NRXN1: variants seen among roughly 807,000 people sequenced by gnomAD.
NRXN1 encodes the protein neurexin-1.
Under a neutral mutation model 150.9 loss-of-function variants are expected in NRXN1, and 39 were observed. That is an observed-to-expected ratio of 0.26 (90% CI 0.20 to 0.34). The LOEUF (loss-of-function observed/expected upper bound fraction) is 0.34. Among genes scored for constraint, NRXN1 ranks in the 10% least tolerant of loss-of-function variants. The pLI is 1.00. For synonymous variants in NRXN1, 924 were observed against 757.0 expected, an observed-to-expected ratio of 1.22 and a Z score of -3.62; for missense variants, 1,815 against 1,949.9, an observed-to-expected ratio of 0.93 and a Z score of 1.30.
chr2:50,089,466 T>C (rs78114392), intron 19 of NRXN1, among the ~76,000 whole-genome samples: 3,269 of 152,290 alleles, frequency 0.021, 117 homozygotes, highest in African/African-American at 0.075. Flanking sequence ...TGTTATTTTA[T>C]TAAGGTTTTA....
At chr2:50,122,209 C>T (rs1164721290) in intron 18 of NRXN1, among the ~76,000 whole-genome samples, 1 of 152,218 alleles carries the variant, frequency 6.6e-6, no homozygotes, top group African/African-American at 2.4e-5. Flanking sequence ...TCTTTCTTCA[C>T]TTATCTGAAT....
At chr2:50,481,490 G>A (rs931212189) in intron 15 of NRXN1, among the ~76,000 whole-genome samples, 29 of 152,086 alleles carry the variant, frequency 1.9e-4, no homozygotes, top group Admixed American at 5.2e-4. Context: ...TTATCAAAAT[G>A]TTTTTTACCA....
At chr2:50,357,851 T>A (rs1267397591) in intron 17 of NRXN1, among the ~76,000 whole-genome samples, 2 of 151,956 alleles carry the variant, frequency 1.3e-5, no homozygotes, top group Non-Finnish European at 2.9e-5. Flanking sequence ...AGAAGGCAGG[T>A]GATTTCTGCA....
chr2:50,029,009 A>C (rs1443480461), intron 21 of NRXN1, among the ~76,000 whole-genome samples: 1 of 152,192 alleles, frequency 6.6e-6, no homozygotes, highest in Non-Finnish European at 1.5e-5. Flanking sequence ...TGTTTTCCCC[A>C]AATTCATATG....
At chr2:50,750,115 C>T (rs754223411) in intron 5 of NRXN1, among the ~76,000 whole-genome samples, 15 of 152,018 alleles carry the variant, frequency 9.9e-5, no homozygotes, top group African/African-American at 1.9e-4. Flanking sequence ...TTCTATTCTA[C>T]GAGCTTTCAG....
At chr2:50,624,073 T>C (rs945557692) in intron 5 of NRXN1, among the ~76,000 whole-genome samples, 13 of 152,126 alleles carry the variant, frequency 8.5e-5, no homozygotes, top group East Asian at 1.9e-4. Context: ...CTGAGAATGA[T>C]GGTTTCCAGC....
At chr2:50,845,057 T>C (rs1047347918) in intron 5 of NRXN1, among the ~76,000 whole-genome samples, 4 of 151,670 alleles carry the variant, frequency 2.6e-5, no homozygotes, top group African/African-American at 4.8e-5. Flanking sequence ...GGCTCCCCCA[T>C]ATTGCCCAGG....
At chr2:50,868,920 A>G (rs962066900) in intron 5 of NRXN1, among the ~76,000 whole-genome samples, 1 of 151,902 alleles carries the variant, frequency 6.6e-6, no homozygotes, top group Non-Finnish European at 1.5e-5. Context: ...AAAGCTTATC[A>G]TCTTGAAAAA....
intron 5 of NRXN1, among the ~76,000 whole-genome samples, chr2:50,764,492 C>T (rs1296642172): frequency 2.0e-5 from 3 of 151,984 alleles, no homozygotes; most frequent in African/African-American, 7.2e-5. Flanking sequence ...ATATTGAATA[C>T]TTAATATGTA....
intron 17 of NRXN1, among the ~76,000 whole-genome samples, chr2:50,249,927 C>T (rs986356312): frequency 2.0e-5 from 3 of 152,192 alleles, no homozygotes; most frequent in South Asian, 2.1e-4. Context: ...CGTGAGCCAC[C>T]GTGCCTGGCC....
intron 8 of NRXN1, among the ~76,000 whole-genome samples, chr2:50,562,693 CCTT>C (rs1183418733): frequency 6.6e-6 from 1 of 151,942 alleles, no homozygotes; most frequent in African/African-American, 2.4e-5. Flanking sequence ...ATTTTTTTGT[CCTT>C]CTTTTTCTTA....
chr2:50,095,505 A>G (rs1254764921), intron 18 of NRXN1, among the ~76,000 whole-genome samples: 1 of 152,174 alleles, frequency 6.6e-6, no homozygotes, highest in Non-Finnish European at 1.5e-5. Context: ...ATAAGAGCCT[A>G]TTTTCATCAG....
At chr2:50,069,669 C>T (rs1387846383) in intron 19 of NRXN1, among the ~76,000 whole-genome samples, 5 of 151,898 alleles carry the variant, frequency 3.3e-5, no homozygotes, top group Admixed American at 2.6e-4. Flanking sequence ...TTTTCTGAAA[C>T]GTTTCATGTT....
In NRXN1 at chr2:50,389,536, C is replaced by T. The variant is rs557809904; in HGVS notation, c.3364+75906G>A. Among the ~76,000 whole-genome samples, 209 of 151,954 alleles carry T rather than the reference C, an allele frequency of 1.4e-3. 1 individual carries two copies. The highest frequency in any genetic ancestry group is 3.4e-3 in the Middle Eastern group (1 of 292). On this transcript the variant is annotated intron_variant, in intron 17 of 22. Coordinates refer to ENST00000401669, the MANE Select transcript of NRXN1 (RefSeq NM_001330078.2). Reference sequence around the variant, plus strand: ...GACCCAAATGTATGAAATTCTAATACTGATTCTTTGTCTTTTCTCTCTTCT... The same window carrying T: ...GACCCAAATGTATGAAATTCTAATATTGATTCTTTGTCTTTTCTCTCTTCT...
chr2:50,641,183 T>G (rs1266692177), intron 5 of NRXN1, among the ~76,000 whole-genome samples: 1 of 152,172 alleles, frequency 6.6e-6, no homozygotes, highest in Non-Finnish European at 1.5e-5. Flanking sequence ...AATAAACATT[T>G]GGCTCAAGGT....
intron 5 of NRXN1, among the ~76,000 whole-genome samples, chr2:50,729,378 G>A (rs1036789242): frequency 1.3e-5 from 2 of 152,154 alleles, no homozygotes; most frequent in Admixed American, 6.5e-5. Context: ...TCATTTTGCA[G>A]ATGCAAAGTT....
chr2:50,913,738 G>A (rs1388836808), intron 5 of NRXN1, among the ~76,000 whole-genome samples: 2 of 151,718 alleles, frequency 1.3e-5, no homozygotes, highest in African/African-American at 2.4e-5. Flanking sequence ...TCATGGGGTC[G>A]TAGGTACATG....
At chr2:50,552,042 C>T (rs1381243263) in intron 9 of NRXN1, among the ~76,000 whole-genome samples, 1 of 152,120 alleles carries the variant, frequency 6.6e-6, no homozygotes, top group South Asian at 2.1e-4. Context: ...TTCCAAATAC[C>T]TTTCATCAGA....
intron 17 of NRXN1, among the ~76,000 whole-genome samples, chr2:50,278,242 A>ATTATATATATGTATTATATATAT (rs1491272853): frequency 1.7e-5 from 2 of 118,294 alleles, no homozygotes; most frequent in Admixed American, 2.1e-4. Context: ...TATATATATA[A>ATTATATATATGTATTATATATAT]TATATATATA....
Sources: allele counts gnomAD v4.1 joint callset (sites outside exome capture counted in the v4.1 genomes callset), GRCh38; gene constraint gnomAD v4.1.1; transcripts MANE v1.5; gene names NCBI Gene and HGNC (gene_info 2026-07-23, HGNC 2026-07-21).